The following OOEP variants were observed in gnomAD, a reference collection of about 807,000 sequenced individuals.
OOEP encodes the protein oocyte-expressed protein homolog.
Under a neutral mutation model 13.7 loss-of-function variants are expected in OOEP, and 16 were observed. The observed-to-expected ratio is 1.16, with a 90% CI of 0.79 to 1.77. The LOEUF (loss-of-function observed/expected upper bound fraction) is 1.77. OOEP is among the 40% of genes most tolerant of loss of function. The pLI is 0.00. For missense variants in OOEP, 195 were observed against 193.1 expected, an observed-to-expected ratio of 1.01 and a Z score of -0.06; for synonymous variants, 89 against 77.1, an observed-to-expected ratio of 1.15 and a Z score of -0.81.
At chr6:73,379,657 A>AAATG (rs573727766) in intron 2 of OOEP, among the ~76,000 whole-genome samples, 8 of 110,930 alleles carry the variant, frequency 7.2e-5, no homozygotes, top group Non-Finnish European at 1.4e-4. Context: ...AAAAAAAAAA[A>AAATG]AAAAGTGGCC....
rs497243 is a variant in OOEP, at chr6:73,369,318, C to A, written c.258G>T (p.Val86=). 6,845 of 1,613,780 alleles carry A rather than the reference C, an allele frequency of 4.2e-3. 242 individuals are homozygous for A. In the African/African-American group the frequency reaches 0.077, roughly 18 times the overall value. The change falls in exon 2 of 3, where the codon GTG becomes GTT. Residue 86 remains valine, a synonymous_variant. Coordinates refer to ENST00000370359, the MANE Select transcript of OOEP (RefSeq NM_001080507.3). The stretch of plus-strand genomic sequence containing the variant: ...TGATTTCGACTAGGTTCCCTGAGTC[C>A]ACTATGTCCACTGTCAGCAGGGCCT... ...TSQALLTVDI[V]DSGNLVEITV...
chr6:73,389,265 AC>A (rs1167188850), intron 2 of OOEP, among the ~76,000 whole-genome samples: 1 of 151,898 alleles, frequency 6.6e-6, no homozygotes, highest in African/African-American at 2.4e-5. Context: ...TTCAGCTTCT[AC>A]CCCAGGAGCA....
chr6:73,370,352 A>G (rs1194774971), upstream of OOEP, among the ~76,000 whole-genome samples: 1 of 152,224 alleles, frequency 6.6e-6, no homozygotes, highest in African/African-American at 2.4e-5. Flanking sequence ...GTTTTAAACA[A>G]CACGTCAGAG....
upstream of OOEP, chr6:73,373,329 T>C: frequency 6.8e-7 from 1 of 1,480,810 alleles, no homozygotes; most frequent in Admixed American, 1.7e-5. Context: ...TTCTCTTCTT[T>C]TGTTTTCTTT....
intron 2 of OOEP, among the ~76,000 whole-genome samples, chr6:73,385,401 T>C (rs1769259710): frequency 6.6e-6 from 1 of 151,664 alleles, no homozygotes. Context: ...AAAAAAATTA[T>C]ATACCATGAT....
At chr6:73,391,645 C>A in intron 2 of OOEP, 1 of 154,624 alleles carries the variant, frequency 6.5e-6, no homozygotes, top group Non-Finnish European at 1.5e-5. Context: ...TATTCTTCAC[C>A]TAGAGCATCA....
intron 2 of OOEP, among the ~76,000 whole-genome samples, chr6:73,375,317 C>A (rs1769122457): frequency 6.6e-6 from 1 of 152,138 alleles, no homozygotes; most frequent in Non-Finnish European, 1.5e-5. Flanking sequence ...AGAGGGATGG[C>A]TCAGGCCTGT....
intron 2 of OOEP, among the ~76,000 whole-genome samples, chr6:73,382,178 C>T (rs1180493705): frequency 2.0e-5 from 3 of 151,002 alleles, no homozygotes; most frequent in East Asian, 3.9e-4. Flanking sequence ...CTCCCTAGTA[C>T]CTGCGACCAC....
intron 2 of OOEP, among the ~76,000 whole-genome samples, chr6:73,375,589 T>TGCTTATATATAATATATATA (rs1769127643): frequency 1.4e-5 from 2 of 145,284 alleles, no homozygotes; most frequent in South Asian, 2.1e-4. Flanking sequence ...AACATATATA[T>TGCTTATATATAATATATATA]GCTTATATAT....
intron 2 of OOEP, 38 bp downstream of exon 2, chr6:73,369,168 G>A: frequency 1.9e-6 from 3 of 1,580,620 alleles, no homozygotes; most frequent in East Asian, 2.2e-5. Flanking sequence ...ATGGTCACTC[G>A]TGGCTTCCTC....
At chr6:73,394,460 TGCCTGGGCAACAC>T in exon 2 of OOEP, 1 of 687,608 alleles carries the variant, frequency 1.5e-6, no homozygotes, top group South Asian at 1.6e-5. Context: ...GTTCAAGACC[TGCCTGGGCAACAC>T]GGCGACACCC....
At chr6:73,385,675 C>T (rs1008219295) in intron 2 of OOEP, among the ~76,000 whole-genome samples, 26 of 151,702 alleles carry the variant, frequency 1.7e-4, no homozygotes, top group Admixed American at 1.5e-3. Context: ...GCAACCTCCA[C>T]GTTCTGAGTT....
At chr6:73,380,126 C>T (rs1464465786) in intron 2 of OOEP, among the ~76,000 whole-genome samples, 2 of 151,978 alleles carry the variant, frequency 1.3e-5, no homozygotes, top group Non-Finnish European at 2.9e-5. Flanking sequence ...CAAATACTGA[C>T]TCATTTCATT....
chr6:73,369,253 C>G lies in OOEP; in HGVS notation c.323G>C (p.Ser108Thr). The G allele has an allele frequency of 5.6e-6, 9 of 1,613,948 alleles. No individual in the cohort carries two copies. The highest frequency in any genetic ancestry group is 7.6e-6 in the Non-Finnish European group (9 of 1,179,866). The stretch of plus-strand genomic sequence containing the variant: ...AAACCATGCCAGGCACAGGAGCATG[C>G]TCTTCACCCGATTCTGTACACGGGG... ...GRPRVQNRVK[S>T]MLLCLAWFHR... The change falls in exon 2 of 3, where the codon AGC becomes ACC. Residue 108 changes from serine (S) to threonine (T), a missense_variant. Physicochemically the swap from Ser to Thr is moderately conservative, Grantham distance 58. Coordinates refer to ENST00000370359, the MANE Select transcript of OOEP (RefSeq NM_001080507.3).
chr6:73,372,807 C>A (rs377370949), upstream of OOEP, among the ~76,000 whole-genome samples: 1 of 151,882 alleles, frequency 6.6e-6, no homozygotes, highest in Non-Finnish European at 1.5e-5. Context: ...GTGGGCCTGA[C>A]GCCAGCCCGA....
Position 73,379,552 on chromosome 6 carries a change from T to A in OOEP, c.26-10167A>T, listed in dbSNP as rs142204235. On this transcript the variant is annotated intron_variant, in intron 2 of 3. Coordinates refer to the OOEP transcript ENST00000370363. ...CAGTTAGGAGGCTGAGGCAGGAGAA[T>A]CGCTTGAACCCAGGAGGTGGAGGTT... 6.1e-5 allele frequency among the ~76,000 whole-genome samples: 9 copies of A among 148,302 alleles called. No individual in the cohort carries two copies. In the East Asian group the frequency reaches 1.6e-3, roughly 27 times the overall value.
At chr6:73,381,224 AAAAAG>A (rs780235644) in intron 2 of OOEP, among the ~76,000 whole-genome samples, 10,314 of 141,290 alleles carry the variant, frequency 0.073, 408 homozygotes, top group Middle Eastern at 0.12. Flanking sequence ...AAAAAAAAAA[AAAAAG>A]AAGAAGAAAA....
rs1768995738 is a variant in OOEP at position 73,368,741 on chromosome 6, A to G, written c.*43T>C. The G allele has an allele frequency of 7.3e-7, 1 of 1,369,452 alleles. No homozygotes were observed. Among genetic ancestry groups the G allele is most frequent in the South Asian group, 1.2e-5 (1 of 85,470 alleles). The allele number at this position is 1,369,452 out of a possible 1,614,324, so 84.8% of individuals were successfully genotyped here. ...TTGCTTTTCTTCAACTTTAGCAGCA[A>G]AAGTTAGAAAGTTAAGATGTTCCCA... On this transcript the variant is annotated 3_prime_UTR_variant, in exon 3 of 3. Transcript: ENST00000370359.
chr6:73,369,168 G>T, intron 2 of OOEP, 38 bp downstream of exon 2: 1 of 1,580,620 alleles, frequency 6.3e-7, no homozygotes, highest in Non-Finnish European at 8.6e-7. Context: ...ATGGTCACTC[G>T]TGGCTTCCTC....
Sources: allele counts gnomAD v4.1 joint callset (sites outside exome capture counted in the v4.1 genomes callset), GRCh38; gene constraint gnomAD v4.1.1; transcripts MANE v1.5; gene names NCBI Gene and HGNC (gene_info 2026-07-23, HGNC 2026-07-21).